PTPN3: variants seen among roughly 807,000 people sequenced by gnomAD.
The protein encoded by PTPN3 is tyrosine-protein phosphatase non-receptor type 3.
PTPN3 carries 96 observed loss-of-function variants against 132.7 expected under a neutral mutation model. The observed-to-expected ratio is 0.72, with a 90% CI of 0.61 to 0.86. The LOEUF (loss-of-function observed/expected upper bound fraction) is 0.86, where lower values mean the gene tolerates loss of function less well. Ranked by LOEUF, PTPN3 falls within the 40% of genes least tolerant of loss-of-function variation. The probability of loss-of-function intolerance (pLI) is 0.00; values close to 1 mark genes in which losing one functional copy is unlikely to be tolerated. For synonymous variants in PTPN3, 398 were observed against 429.0 expected (o/e 0.93, Z 0.89); for missense variants, 1,125 against 1,159.6 (o/e 0.97, Z 0.43).
chr9:109,436,547 A>G (rs1353804175), intron 9 of PTPN3, among the ~76,000 whole-genome samples: 2 of 152,216 alleles, frequency 1.3e-5, no homozygotes, highest in East Asian at 1.9e-4. Flanking sequence ...AGTAGTAGAA[A>G]TCTTGGCTCC....
chr9:109,379,326 G>C lies in PTPN3; in HGVS notation c.*230C>G. 1 of 529,390 alleles carries C rather than the reference G, an allele frequency of 1.9e-6. No individual in the cohort carries two copies. The highest frequency in any genetic ancestry group is 3.4e-6 in the Non-Finnish European group (1 of 297,134). The allele number at this position is 529,390 out of a possible 1,614,324, so 32.8% of individuals were successfully genotyped here. A position where few individuals can be genotyped will look rare whatever the true frequency, so the allele number is the denominator to read the frequency against. ...CAGGCCCCAAACTGAGATCCTTTTT[G>C]TATCTTTCCATAGAAATACAGGCCT... On this transcript the variant is annotated 3_prime_UTR_variant, in exon 26 of 26. Transcript: ENST00000374541.
intron 2 of PTPN3, among the ~76,000 whole-genome samples, chr9:109,462,577 G>A (rs1564465038): frequency 6.6e-6 from 1 of 152,252 alleles, no homozygotes; most frequent in Non-Finnish European, 1.5e-5. Flanking sequence ...GGATGGAAGA[G>A]GTCATGGGCA....
chr9:109,486,751 A>G (rs888326751), intron 1 of PTPN3, among the ~76,000 whole-genome samples: 7 of 152,156 alleles, frequency 4.6e-5, no homozygotes, highest in Non-Finnish European at 1.0e-4. Context: ...AGTTCCCATA[A>G]TCCTCACATG....
At chr9:109,458,574 AG>A (rs971155578) in intron 2 of PTPN3, among the ~76,000 whole-genome samples, 7 of 152,210 alleles carry the variant, frequency 4.6e-5, no homozygotes, top group African/African-American at 1.7e-4. Flanking sequence ...GATAACTGTC[AG>A]GCCCCACCTG....
chr9:109,453,850 A>G (rs1435567876), intron 5 of PTPN3, among the ~76,000 whole-genome samples: 1 of 151,036 alleles, frequency 6.6e-6, no homozygotes, highest in Non-Finnish European at 1.5e-5. Context: ...TCCGTTAAAA[A>G]AAAAAAAAAA....
chr9:109,452,592 G>A (rs989921756), intron 5 of PTPN3, among the ~76,000 whole-genome samples: 1 of 151,258 alleles, frequency 6.6e-6, no homozygotes, highest in African/African-American at 2.4e-5. Flanking sequence ...CTGCAACAGG[G>A]TCTCAGTCGA....
At chr9:109,526,187 C>A in the PTPN3 span, among the ~76,000 whole-genome samples, 1 of 152,032 alleles carries the variant, frequency 6.6e-6, no homozygotes, top group African/African-American at 2.4e-5. Context: ...CACTGACAAC[C>A]ATAAAGCATT....
intron 16 of PTPN3, among the ~76,000 whole-genome samples, chr9:109,408,761 A>T (rs1841780224): frequency 7.2e-6 from 1 of 138,436 alleles, no homozygotes; most frequent in Non-Finnish European, 1.5e-5. Context: ...GTGCACATGT[A>T]CCCTAGAACT....
Position 109,415,064 on chromosome 9 carries a change from GTCCGTCCATCCAACCATCCATCCATCCA to G in PTPN3, c.1314-4677_1314-4650del, listed in dbSNP as rs1460776741. 1.6e-3 allele frequency among the ~76,000 whole-genome samples: 202 copies of G among 126,304 alleles called. 1 individual carries two copies. The highest frequency in any genetic ancestry group is 2.9e-3 in the Non-Finnish European group (169 of 58,866). The allele number at this position is 126,304 out of a possible 152,430, so 82.9% of individuals were successfully genotyped here. On this transcript the variant is annotated intron_variant, in intron 14 of 25. Coordinates refer to ENST00000374541, the MANE Select transcript of PTPN3 (RefSeq NM_002829.4). Reference sequence around the variant, plus strand: ...CGTCCGTCCGTCCATCCGTCCATCCGTCCGTCCATCCAACCATCCATCCATCCATCCATCCATCCATCCATCCATCCAT... The same window carrying G: ...CGTCCGTCCGTCCATCCGTCCATCCGTCCATCCATCCATCCATCCATCCAT...
intron 2 of PTPN3, 24 bp downstream of exon 2, chr9:109,463,272 TA>T (rs200343380): frequency 0.062 from 56,162 of 906,298 alleles, no homozygotes; most frequent in South Asian, 0.1. Flanking sequence ...TCAGGAAAAG[TA>T]AAAAAAAAAA....
intron 1 of PTPN3, among the ~76,000 whole-genome samples, chr9:109,491,024 T>C (rs1296466753): frequency 1.3e-5 from 2 of 150,056 alleles, no homozygotes; most frequent in Middle Eastern, 3.5e-3. Flanking sequence ...GGTGAAACCC[T>C]GTCACCACAA....
At chr9:109,496,114 G>C (rs1847657039) in intron 1 of PTPN3, among the ~76,000 whole-genome samples, 1 of 152,182 alleles carries the variant, frequency 6.6e-6, no homozygotes, top group South Asian at 2.1e-4. Context: ...GTCCTTTTTA[G>C]GAGATGGCAA....
intron 22 of PTPN3, among the ~76,000 whole-genome samples, chr9:109,385,891 G>A (rs568711540): frequency 5.3e-5 from 8 of 152,250 alleles, no homozygotes; most frequent in Non-Finnish European, 1.0e-4. Flanking sequence ...GTGTGGTTTC[G>A]AGAAGAGGCT....
At chr9:109,441,457 C>T (rs1844462556) in intron 7 of PTPN3, among the ~76,000 whole-genome samples, 1 of 152,056 alleles carries the variant, frequency 6.6e-6, no homozygotes, top group South Asian at 2.1e-4. Context: ...AGATGCTCTC[C>T]CCTCTCCCTA....
rs527995684 is a variant in PTPN3, at chr9:109,449,988, C to T, written c.369-1133G>A. The T allele has an allele frequency of 4.8e-5, 47 of 984,050 alleles. No individual in the cohort carries two copies. The African/African-American group carries it at 7.2e-4, about 15-fold the overall frequency. The allele number at this position is 984,050 out of a possible 1,614,324, so 61.0% of individuals were successfully genotyped here. A position where few individuals can be genotyped will look rare whatever the true frequency, so the allele number is the denominator to read the frequency against. Reference sequence around the variant, plus strand: ...TCATAACTCTGTAAGGTAGGTACCACTATCTCCATTTTTACAGATGACAAA... The same window carrying T: ...TCATAACTCTGTAAGGTAGGTACCATTATCTCCATTTTTACAGATGACAAA... On this transcript the variant is annotated intron_variant, in intron 5 of 25. Coordinates refer to ENST00000374541, the MANE Select transcript of PTPN3 (RefSeq NM_002829.4).
chr9:109,474,082 G>C (rs1846516744), intron 1 of PTPN3, among the ~76,000 whole-genome samples: 1 of 152,080 alleles, frequency 6.6e-6, no homozygotes. Context: ...GGTAGTCACT[G>C]AACAGTGACT....
chr9:109,399,323 A>G (rs781334661), intron 19 of PTPN3, among the ~76,000 whole-genome samples: 58 of 152,194 alleles, frequency 3.8e-4, no homozygotes, highest in Middle Eastern at 3.2e-3. Context: ...AACTATGCCT[A>G]GCCTAGATAT....
Position 109,426,939 on chromosome 9 carries a change from A to G in PTPN3, c.1001+11T>C. On this transcript the variant is annotated intron_variant, in intron 12 of 25. Coordinates refer to ENST00000374541, the MANE Select transcript of PTPN3 (RefSeq NM_002829.4). ...AGCCTAGTGTGGACACAGTCTTTAC[A>G]GCACACTCACTTTTTGGTGTTCCGA... 1 of 1,602,584 alleles carries G rather than the reference A, an allele frequency of 6.2e-7. No homozygotes were observed. The highest frequency in any genetic ancestry group is 8.5e-7 in the Non-Finnish European group (1 of 1,169,832).
chr9:109,514,457 T>C, the PTPN3 span, among the ~76,000 whole-genome samples: 1 of 152,324 alleles, frequency 6.6e-6, no homozygotes, highest in South Asian at 2.1e-4. Context: ...CGAGGGGGTT[T>C]TCATTCATTC....
Sources: allele counts gnomAD v4.1 joint callset (sites outside exome capture counted in the v4.1 genomes callset), GRCh38; gene constraint gnomAD v4.1.1; transcripts MANE v1.5; gene names NCBI Gene and HGNC (gene_info 2026-07-23, HGNC 2026-07-21).